PRKG1: variants seen among roughly 807,000 people sequenced by gnomAD.
PRKG1 encodes protein kinase cGMP-dependent 1, also known as cGMP-dependent protein kinase 1.
Under a neutral mutation model 88.1 loss-of-function variants are expected in PRKG1, and 35 were observed. The ratio of observed to expected loss-of-function variants is 0.40; its 90% CI spans 0.30 to 0.53. The LOEUF (loss-of-function observed/expected upper bound fraction) is 0.53, where lower values mean the gene tolerates loss of function less well. Ranked by LOEUF, PRKG1 falls within the 20% of genes least tolerant of loss-of-function variation. The pLI, the probability that PRKG1 is intolerant of heterozygous loss-of-function variation, is 0.59. For synonymous variants in PRKG1, 303 were observed against 292.5 expected, an observed-to-expected ratio of 1.04 and a Z score of -0.37; for missense variants, 540 against 839.8, an observed-to-expected ratio of 0.64 and a Z score of 4.41.
chr10:51,471,217 T>A (rs1184964247), intron 3 of PRKG1, among the ~76,000 whole-genome samples: 1 of 151,996 alleles, frequency 6.6e-6, no homozygotes, highest in Non-Finnish European at 1.5e-5. Flanking sequence ...CCACTTTGTA[T>A]CTTTCCAATC....
At chr10:51,273,791 T>G (rs1840044140) in intron 2 of PRKG1, among the ~76,000 whole-genome samples, 1 of 152,206 alleles carries the variant, frequency 6.6e-6, no homozygotes, top group Non-Finnish European at 1.5e-5. Flanking sequence ...CTGTACACTT[T>G]CATACACCAC....
intron 5 of PRKG1, among the ~76,000 whole-genome samples, chr10:51,994,732 A>G (rs1012373193): frequency 6.6e-6 from 1 of 152,116 alleles, no homozygotes; most frequent in Non-Finnish European, 1.5e-5. Context: ...TTGTCTCTTC[A>G]TATATTTGAA....
chr10:51,231,664 C>T (rs1838847818), intron 2 of PRKG1, among the ~76,000 whole-genome samples: 1 of 151,870 alleles, frequency 6.6e-6, no homozygotes, highest in Non-Finnish European at 1.5e-5. Context: ...ACTAGACGTT[C>T]TGTTGAGCTC....
intron 2 of PRKG1, among the ~76,000 whole-genome samples, chr10:51,455,570 C>T (rs1839562005): frequency 1.3e-5 from 2 of 152,206 alleles, no homozygotes; most frequent in Non-Finnish European, 2.9e-5. Flanking sequence ...GCCAGATACC[C>T]TAAATCATCT....
At chr10:51,749,907 A>G (rs756289675) in intron 3 of PRKG1, among the ~76,000 whole-genome samples, 1 of 151,244 alleles carries the variant, frequency 6.6e-6, no homozygotes, top group East Asian at 1.9e-4. Flanking sequence ...TCTAAAAAAT[A>G]TATTAAAACT....
At chr10:51,183,503 G>C (rs1191949511) in intron 2 of PRKG1, among the ~76,000 whole-genome samples, 1 of 152,160 alleles carries the variant, frequency 6.6e-6, no homozygotes, top group Non-Finnish European at 1.5e-5. Context: ...ACCATTTATT[G>C]CACGTGGTCA....
intron 1 of PRKG1, among the ~76,000 whole-genome samples, chr10:51,081,948 AGGGTCTCAGTT>A (rs1315979473): frequency 1.3e-5 from 2 of 152,168 alleles, no homozygotes; most frequent in Non-Finnish European, 2.9e-5. Context: ...CTGTAGAGAC[AGGGTCTCAGTT>A]GCACAGGCTG....
chr10:52,131,373 G>A (rs1384557686), intron 7 of PRKG1, among the ~76,000 whole-genome samples: 1 of 152,100 alleles, frequency 6.6e-6, no homozygotes, highest in Non-Finnish European at 1.5e-5. Context: ...AGGGCTACGA[G>A]AACAGATGCA....
chr10:51,622,172 C>G (rs1313776785), intron 3 of PRKG1, among the ~76,000 whole-genome samples: 1 of 152,128 alleles, frequency 6.6e-6, no homozygotes, highest in African/African-American at 2.4e-5. Context: ...TACCATGCCT[C>G]TCTTAGTCAT....
chr10:51,083,783 A>C (rs1844177251), intron 1 of PRKG1, among the ~76,000 whole-genome samples: 1 of 152,102 alleles, frequency 6.6e-6, no homozygotes, highest in Non-Finnish European at 1.5e-5. Flanking sequence ...CTGTGGTCAG[A>C]CCTCACTGCT....
intron 8 of PRKG1, among the ~76,000 whole-genome samples, chr10:52,159,258 T>C (rs967281844): frequency 2.0e-5 from 3 of 151,576 alleles, no homozygotes; most frequent in Non-Finnish European, 1.5e-5. Context: ...TAGGTACATA[T>C]TATTTTCTCA....
chr10:51,767,919 C>T (rs564008920), intron 3 of PRKG1, among the ~76,000 whole-genome samples: 7 of 151,820 alleles, frequency 4.6e-5, no homozygotes, highest in African/African-American at 1.7e-4. Context: ...AGATAATCAA[C>T]TACTTAATAA....
At chr10:52,073,212 G>T (rs1191431752) in intron 7 of PRKG1, among the ~76,000 whole-genome samples, 1 of 152,106 alleles carries the variant, frequency 6.6e-6, no homozygotes, top group East Asian at 1.9e-4. Context: ...ACCAGTCATT[G>T]AATGGAGGGC....
chr10:52,196,565 C>T (rs1329065991), intron 9 of PRKG1, among the ~76,000 whole-genome samples: 9 of 152,124 alleles, frequency 5.9e-5, no homozygotes, highest in Non-Finnish European at 1.3e-4. Context: ...TTACCAACAA[C>T]GAAAGATACT....
intron 3 of PRKG1, among the ~76,000 whole-genome samples, chr10:51,518,288 A>G (rs1028712717): frequency 5.3e-5 from 8 of 152,162 alleles, no homozygotes; most frequent in Non-Finnish European, 1.2e-4. Context: ...GTGAGCCACC[A>G]TGCCCCGCAT....
intron 5 of PRKG1, among the ~76,000 whole-genome samples, chr10:51,946,532 C>A (rs573624663): frequency 1.4e-4 from 22 of 152,166 alleles, no homozygotes; most frequent in African/African-American, 4.3e-4. Flanking sequence ...AGAGGAGAGG[C>A]TCTCTGCTTT....
intron 4 of PRKG1, among the ~76,000 whole-genome samples, chr10:51,857,757 G>GT (rs1330638840): frequency 1.3e-5 from 2 of 151,632 alleles, no homozygotes; most frequent in African/African-American, 2.4e-5. Context: ...TCTTCTCAAT[G>GT]TTTTTTTTCT....
chr10:51,306,341 G>A (rs1459521984), intron 2 of PRKG1, among the ~76,000 whole-genome samples: 1 of 152,146 alleles, frequency 6.6e-6, no homozygotes, highest in African/African-American at 2.4e-5. Context: ...TCAAGAGTGA[G>A]ATTTGGGCTT....
chr10:51,690,897 C>T (rs184931247), intron 3 of PRKG1, among the ~76,000 whole-genome samples: 194 of 134,628 alleles, frequency 1.4e-3, no homozygotes, highest in African/African-American at 5.3e-3. Flanking sequence ...CTACACCCCC[C>T]AGCCTGGCGA....
Sources: allele counts gnomAD v4.1 joint callset (sites outside exome capture counted in the v4.1 genomes callset), GRCh38; gene constraint gnomAD v4.1.1; transcripts MANE v1.5; gene names NCBI Gene and HGNC (gene_info 2026-07-23, HGNC 2026-07-21).